Variants in FCHO2 observed in about 807,000 individuals in gnomAD.
FCHO2 encodes the protein F-BAR domain only protein 2.
Under a neutral mutation model 114.1 loss-of-function variants are expected in FCHO2, and 43 were observed. The observed-to-expected ratio is 0.38, with a 90% CI of 0.30 to 0.49. The LOEUF is 0.49. Ranked by LOEUF, FCHO2 falls within the 20% of genes least tolerant of loss-of-function variation. FCHO2 has a pLI of 0.97. For missense variants in FCHO2, 807 were observed against 950.4 expected, an observed-to-expected ratio of 0.85 and a Z score of 1.98; for synonymous variants, 293 against 315.2, an observed-to-expected ratio of 0.93 and a Z score of 0.75.
chr5:73,049,307 C>T (rs1394607858), intron 11 of FCHO2, among the ~76,000 whole-genome samples: 1 of 152,186 alleles, frequency 6.6e-6, no homozygotes, highest in African/African-American at 2.4e-5. Context: ...CCAAGATACA[C>T]GTAGCCTTAA....
rs371857883 is a variant in FCHO2, at chr5:72,968,593, T to C, written c.125+4T>C. Reference sequence around the variant, plus strand: ...TAGCAGATTTTGTAAGGGAACGGTATGTATTTTTTAAATAAGTAATTTGTT... The same window carrying C: ...TAGCAGATTTTGTAAGGGAACGGTACGTATTTTTTAAATAAGTAATTTGTT... On this transcript the variant is annotated splice_donor_region_variant and intron_variant, in intron 2 of 25. Coordinates refer to ENST00000430046, the MANE Select transcript of FCHO2 (RefSeq NM_138782.3). 7 of 1,506,328 alleles carry C rather than the reference T, an allele frequency of 4.6e-6. No homozygotes were observed. The African/African-American group carries it at 8.7e-5, about 19-fold the overall frequency. The allele number at this position is 1,506,328 out of a possible 1,614,324, so 93.3% of individuals were successfully genotyped here. A position where few individuals can be genotyped will look rare whatever the true frequency, so the allele number is the denominator to read the frequency against.
At chr5:73,034,616 G>C in intron 8 of FCHO2, 41 bp from the exon 9 acceptor site, 1 of 1,524,808 alleles carries the variant, frequency 6.6e-7, no homozygotes, top group South Asian at 1.3e-5. Flanking sequence ...TTACCTAATA[G>C]TTTTTTTCTA....
chr5:72,973,822 T>G (rs1057071818), intron 2 of FCHO2, among the ~76,000 whole-genome samples: 4 of 150,988 alleles, frequency 2.6e-5, no homozygotes, highest in African/African-American at 7.3e-5. Context: ...TCTTTCCTGC[T>G]TTCTCTTGTG....
In FCHO2 at chr5:72,979,378, C is replaced by CTTTTTT. The variant is rs60234739; in HGVS notation, c.126-10023_126-10018dup. 8.7e-3 allele frequency among the ~76,000 whole-genome samples: 431 copies of CTTTTTT among 49,826 alleles called. 31 individuals are homozygous for CTTTTTT. Among genetic ancestry groups the CTTTTTT allele is most frequent in the East Asian group, 0.01 (11 of 1,080 alleles). 32.7% of individuals were successfully genotyped at this position (49,826 alleles called of 152,430 possible). A position where few individuals can be genotyped will look rare whatever the true frequency, so the allele number is the denominator to read the frequency against. ...TATGTGTCCAGGAATTTATCAATTT[C>CTTTTTT]TTTTTTTTTTTTTTTTTTTTTTTTT... On this transcript the variant is annotated intron_variant, in intron 2 of 25. Coordinates refer to ENST00000430046, the MANE Select transcript of FCHO2 (RefSeq NM_138782.3).
chr5:73,064,626 G>A (rs1341156938), intron 18 of FCHO2, among the ~76,000 whole-genome samples: 1 of 151,986 alleles, frequency 6.6e-6, no homozygotes, highest in Non-Finnish European at 1.5e-5. Flanking sequence ...GTGGTTGACT[G>A]TTTTAGCTGA....
intron 2 of FCHO2, among the ~76,000 whole-genome samples, chr5:72,982,982 C>G (rs187655447): frequency 2.0e-5 from 3 of 151,976 alleles, no homozygotes; most frequent in Admixed American, 2.0e-4. Flanking sequence ...GGCGCGATCT[C>G]TGCTCACCGC....
chr5:73,077,235 CGT>C (rs967631847), intron 20 of FCHO2, 101 bp from the exon 21 acceptor site: 49 of 884,562 alleles, frequency 5.5e-5, no homozygotes, highest in Middle Eastern at 2.9e-4. Context: ...CATATAGGTG[CGT>C]GTGTGTGTGC....
chr5:72,989,806 G>T (rs1196469651), intron 3 of FCHO2, among the ~76,000 whole-genome samples: 1 of 152,010 alleles, frequency 6.6e-6, no homozygotes, highest in Non-Finnish European at 1.5e-5. Flanking sequence ...TTGTCTGTAA[G>T]TTCCTATTTA....
At chr5:73,082,877 T>A (rs1290986095) in intron 24 of FCHO2, 52 bp downstream of exon 24, 16 of 129,130 alleles carry the variant, frequency 1.2e-4, no homozygotes, top group Non-Finnish European at 1.9e-4. Context: ...TGAAAATTGA[T>A]TTTTTTTTTT....
At chr5:73,037,886 A>G in intron 10 of FCHO2, 1 of 306,088 alleles carries the variant, frequency 3.3e-6, no homozygotes, top group Non-Finnish European at 6.5e-6. Context: ...CAGCCTCCCA[A>G]GTAGCTGGAA....
Position 73,058,543 on chromosome 5 carries a change from A to G in FCHO2, c.1345+19A>G, listed in dbSNP as rs776981845. 3 of 988,240 alleles carry G rather than the reference A, an allele frequency of 3.0e-6. No homozygotes were observed. The highest frequency in any genetic ancestry group is 2.9e-5 in the Admixed American group (1 of 34,088). 61.2% of individuals were successfully genotyped at this position (988,240 alleles called of 1,614,324 possible). Reference sequence around the variant, plus strand: ...TCATCAGGTAAATATATATATGTATATATGTATTTTTTTAAATAAAGAATA... The same window carrying G: ...TCATCAGGTAAATATATATATGTATGTATGTATTTTTTTAAATAAAGAATA... On this transcript the variant is annotated intron_variant, in intron 17 of 25. Coordinates refer to ENST00000430046, the MANE Select transcript of FCHO2 (RefSeq NM_138782.3).
At chr5:72,994,886 C>T (rs1455111145) in intron 5 of FCHO2, among the ~76,000 whole-genome samples, 1 of 152,076 alleles carries the variant, frequency 6.6e-6, no homozygotes, top group South Asian at 2.1e-4. Flanking sequence ...ATTGCATGTT[C>T]TCACTTATAA....
Position 73,068,714 on chromosome 5 carries a change from G to A in FCHO2, c.1514G>A (p.Arg505Gln), listed in dbSNP as rs764725301. The A allele has an allele frequency of 1.2e-5, 20 of 1,612,184 alleles. No individual in the cohort carries two copies. The highest frequency in any genetic ancestry group is 4.5e-5 in the East Asian group (2 of 44,818). ...CCACCTCCTGCTGCACCATTAGCCC[G>A]GGCAGAAAGTTCTTCTTCTATCTCA... ...TSPPPAAPLA[R>Q]AESSSSISSS... The change falls in exon 19 of 26, where the codon CGG becomes CAG. Residue 505 changes from arginine to glutamine, a missense_variant. Transcript: ENST00000430046.
intron 2 of FCHO2, among the ~76,000 whole-genome samples, chr5:72,972,556 C>A (rs1447556419): frequency 6.6e-6 from 1 of 152,094 alleles, no homozygotes; most frequent in South Asian, 2.1e-4. Flanking sequence ...GATTTTGTAT[C>A]CTGAGACTTT....
At chr5:72,980,745 A>C (rs1424508621) in intron 2 of FCHO2, among the ~76,000 whole-genome samples, 1 of 152,096 alleles carries the variant, frequency 6.6e-6, no homozygotes, top group Non-Finnish European at 1.5e-5. Context: ...AGTCTGTTTT[A>C]TCGAAGACTA....
At chr5:73,023,704 A>G (rs1755760224) in intron 8 of FCHO2, among the ~76,000 whole-genome samples, 1 of 152,108 alleles carries the variant, frequency 6.6e-6, no homozygotes, top group Admixed American at 6.5e-5. Context: ...CCATCTCAAA[A>G]AAAAAAAAAA....
chr5:72,989,559 T>C, intron 3 of FCHO2, 58 bp downstream of exon 3: 1 of 1,417,388 alleles, frequency 7.1e-7, no homozygotes, highest in Non-Finnish European at 9.8e-7. Context: ...TTAAGGATTC[T>C]AGGTTCCTTT....
intron 11 of FCHO2, among the ~76,000 whole-genome samples, chr5:73,050,227 A>G (rs1014921193): frequency 2.6e-5 from 4 of 151,886 alleles, no homozygotes; most frequent in Admixed American, 6.6e-5. Flanking sequence ...GAATTTGTTG[A>G]TATGTCTTAA....
chr5:73,064,020 T>C lies in FCHO2; in HGVS notation c.1449+76T>C, dbSNP rs557923050. 5.3e-5 allele frequency: 72 copies of C among 1,347,832 alleles called. 3 individuals are homozygous for C. The South Asian group carries it at 9.1e-4, about 17-fold the overall frequency. 83.5% of individuals were successfully genotyped at this position (1,347,832 alleles called of 1,614,324 possible). A position where few individuals can be genotyped will look rare whatever the true frequency, so the allele number is the denominator to read the frequency against. ...CAAATGCTATTTTTCTATATGCCCTTTTACAGTTAATTGCTTGAAGTTTTC... is the reference window on the plus strand; with the variant it reads ...CAAATGCTATTTTTCTATATGCCCTCTTACAGTTAATTGCTTGAAGTTTTC... On this transcript the variant is annotated intron_variant, in intron 18 of 25. Coordinates refer to ENST00000430046, the MANE Select transcript of FCHO2 (RefSeq NM_138782.3).
Sources: gnomAD v4.1 joint callset for allele counts (sites outside exome capture counted in the v4.1 genomes callset) on GRCh38, gnomAD v4.1.1 for gene constraint, MANE v1.5 for transcripts, NCBI Gene and HGNC (gene_info 2026-07-23, HGNC 2026-07-21) for gene names.